Variants in FAM81B observed in about 807,000 individuals in gnomAD.
FAM81B encodes the protein family with sequence similarity 81 member B.
Under a neutral mutation model 58.7 loss-of-function variants are expected in FAM81B, and 60 were observed. That is an observed-to-expected ratio of 1.02 (90% CI 0.83 to 1.27). The LOEUF (loss-of-function observed/expected upper bound fraction) is 1.27. Ranked by LOEUF, FAM81B falls within the 50% of genes most tolerant of loss-of-function variation. The pLI, the probability that FAM81B is intolerant of heterozygous loss-of-function variation, is 0.00. For synonymous variants in FAM81B, 189 were observed against 179.6 expected, an observed-to-expected ratio of 1.05 and a Z score of -0.42; for missense variants, 491 against 522.0, an observed-to-expected ratio of 0.94 and a Z score of 0.58.
At chr5:95,441,049 G>A (rs528840472) in intron 7 of FAM81B, among the ~76,000 whole-genome samples, 6 of 152,188 alleles carry the variant, frequency 3.9e-5, no homozygotes, top group African/African-American at 1.2e-4. Context: ...AGGTAATTCC[G>A]TCTCCACCAC....
intron 7 of FAM81B, 30 bp downstream of exon 7, chr5:95,436,936 T>C: frequency 6.5e-7 from 1 of 1,541,310 alleles, no homozygotes; most frequent in South Asian, 1.1e-5. Flanking sequence ...TTAATTCTGT[T>C]AAGTGCATTC....
At chr5:95,449,943 T>G (rs2731828) in intron 9 of FAM81B, among the ~76,000 whole-genome samples, 2 of 152,048 alleles carry the variant, frequency 1.3e-5, no homozygotes, top group Admixed American at 1.3e-4. Context: ...ACCAGATAAC[T>G]AGATATAAGT....
intron 1 of FAM81B, among the ~76,000 whole-genome samples, chr5:95,392,452 G>C (rs953054523): frequency 1.3e-5 from 2 of 152,068 alleles, no homozygotes; most frequent in Non-Finnish European, 2.9e-5. Flanking sequence ...GTATACCTAC[G>C]TAACAAACCT....
chr5:95,430,383 G>GTGTA (rs1554045488), intron 6 of FAM81B, among the ~76,000 whole-genome samples: 3 of 147,530 alleles, frequency 2.0e-5, no homozygotes, highest in African/African-American at 7.5e-5. Flanking sequence ...CAAAAATAGT[G>GTGTA]TATATATATA....
intron 3 of FAM81B, among the ~76,000 whole-genome samples, chr5:95,398,029 G>T (rs1461945969): frequency 1.3e-5 from 2 of 152,182 alleles, no homozygotes; most frequent in Non-Finnish European, 2.9e-5. Flanking sequence ...AACTGGAAAA[G>T]CAAAATGGCA....
At position 95,442,204 on chromosome 5, in the gene FAM81B, CTG is replaced by C. The variant is rs577130522; in HGVS notation, c.894-4354_894-4353del. On this transcript the variant is annotated intron_variant, in intron 7 of 9. Coordinates refer to ENST00000283357, the MANE Select transcript of FAM81B (RefSeq NM_152548.3). ...TTTTTGAGCACCTATATTATGTAAA[CTG>C]TGTTTTAGAATATCCAAACATAATC... Among the ~76,000 whole-genome samples, 22 of 152,312 alleles carry C rather than the reference CTG, an allele frequency of 1.4e-4. No individual in the cohort carries two copies. The South Asian group carries it at 2.5e-3, about 17-fold the overall frequency.
intron 7 of FAM81B, among the ~76,000 whole-genome samples, chr5:95,438,217 A>G (rs1314834152): frequency 1.3e-5 from 2 of 152,230 alleles, no homozygotes; most frequent in African/African-American, 4.8e-5. Flanking sequence ...TAGTCTAAGA[A>G]AGCATTTCTA....
chr5:95,427,220 G>A (rs986784667), intron 5 of FAM81B, among the ~76,000 whole-genome samples: 1 of 152,138 alleles, frequency 6.6e-6, no homozygotes, highest in Admixed American at 6.5e-5. Context: ...AGGAAGTGGT[G>A]GTAGCAGCAG....
chr5:95,424,006 T>C (rs1219364397), intron 5 of FAM81B: 5 of 1,288,656 alleles, frequency 3.9e-6, no homozygotes, highest in East Asian at 5.5e-5. Context: ...CCGGGAGGTA[T>C]AGCCAAGGAT....
intron 6 of FAM81B, among the ~76,000 whole-genome samples, chr5:95,436,364 T>C (rs1252110914): frequency 1.3e-5 from 2 of 152,220 alleles, no homozygotes; most frequent in Non-Finnish European, 2.9e-5. Context: ...ATTCAATAAG[T>C]ATTTGTTGAG....
chr5:95,415,750 TC>T (rs1199597055), intron 4 of FAM81B, among the ~76,000 whole-genome samples: 1 of 152,186 alleles, frequency 6.6e-6, no homozygotes, highest in Non-Finnish European at 1.5e-5. Context: ...TTGAACTGTT[TC>T]TAAGAATATT....
Position 95,440,851 on chromosome 5 carries a change from GA to G in FAM81B, c.893+3953del, listed in dbSNP as rs974032596. 2.7e-3 allele frequency among the ~76,000 whole-genome samples: 403 copies of G among 152,036 alleles called. 3 individuals carry two copies. The highest frequency in any genetic ancestry group is 7.1e-4 in the Non-Finnish European group (48 of 67,964). On this transcript the variant is annotated intron_variant, in intron 7 of 9. Coordinates refer to ENST00000283357, the MANE Select transcript of FAM81B (RefSeq NM_152548.3). The stretch of plus-strand genomic sequence containing the variant: ...TTTAATAAAGTTTAGGAAAGTAGGG[GA>G]AAAAAAAGAGCAGAGCTGCTGCAGG...
intron 3 of FAM81B, among the ~76,000 whole-genome samples, chr5:95,398,451 T>A (rs56316638): frequency 3.3e-5 from 5 of 151,374 alleles, no homozygotes; most frequent in South Asian, 2.1e-4. Flanking sequence ...AATAAATAAA[T>A]AAAAAACTTC....
chr5:95,424,114 A>C, intron 5 of FAM81B: 4 of 1,289,836 alleles, frequency 3.1e-6, no homozygotes, highest in Non-Finnish European at 4.0e-6. Flanking sequence ...CTGAGGAAGG[A>C]GAGAGATTTG....
At chr5:95,445,473 C>T (rs1253983730) in intron 7 of FAM81B, among the ~76,000 whole-genome samples, 1 of 152,160 alleles carries the variant, frequency 6.6e-6, no homozygotes, top group African/African-American at 2.4e-5. Context: ...GGATTCCCCT[C>T]TCTCCTCAAA....
intron 5 of FAM81B, among the ~76,000 whole-genome samples, chr5:95,426,455 A>T (rs528570525): frequency 1.2e-3 from 185 of 152,210 alleles, no homozygotes; most frequent in Middle Eastern, 6.8e-3. Flanking sequence ...TCTCAAGTTG[A>T]GTAAATAAAT....
intron 4 of FAM81B, among the ~76,000 whole-genome samples, chr5:95,416,353 C>T (rs1047875514): frequency 1.3e-5 from 2 of 152,180 alleles, no homozygotes; most frequent in African/African-American, 4.8e-5. Context: ...TAATCTACCA[C>T]AATTGCATCA....
rs138056110 is a variant in FAM81B at position 95,430,328 on chromosome 5, A to G, written c.786+1596A>G. On this transcript the variant is annotated intron_variant, in intron 6 of 9. Transcript: ENST00000283357. ...ATGCATTCAGTATGCCCTTATGCAG[A>G]TATGAGCAAATGCAAATACATATTT... Among the ~76,000 whole-genome samples, 616 of 151,682 alleles carry G rather than the reference A, an allele frequency of 4.1e-3. 3 individuals carry two copies. The highest frequency in any genetic ancestry group is 0.01 in the Middle Eastern group (3 of 288).
intron 7 of FAM81B, among the ~76,000 whole-genome samples, chr5:95,439,240 A>T (rs1745223937): frequency 7.4e-6 from 1 of 135,430 alleles, no homozygotes; most frequent in South Asian, 2.3e-4. Context: ...TAAAGAGTAT[A>T]TATATATATA....
Sources: gnomAD v4.1 joint callset for allele counts (sites outside exome capture counted in the v4.1 genomes callset) on GRCh38, gnomAD v4.1.1 for gene constraint, MANE v1.5 for transcripts, NCBI Gene and HGNC (gene_info 2026-07-23, HGNC 2026-07-21) for gene names.